Variants in UVRAG observed in about 807,000 individuals in gnomAD.
The protein encoded by UVRAG is UV radiation resistance associated.
In UVRAG, 19 loss-of-function variants were observed where a neutral mutation model predicts 78.0. That is an observed-to-expected ratio of 0.24 (90% CI 0.17 to 0.36). The LOEUF (loss-of-function observed/expected upper bound fraction) is 0.36. Among genes scored for constraint, UVRAG ranks in the 10% least tolerant of loss-of-function variants. The pLI, the probability that UVRAG is intolerant of heterozygous loss-of-function variation, is 1.00. For missense variants in UVRAG, 740 were observed against 853.8 expected, an observed-to-expected ratio of 0.87 and a Z score of 1.66; for synonymous variants, 323 against 324.6, an observed-to-expected ratio of 1.00 and a Z score of 0.05.
chr11:76,139,516 T>C (rs769952198), intron 14 of UVRAG, among the ~76,000 whole-genome samples: 2 of 152,136 alleles, frequency 1.3e-5, no homozygotes, highest in Non-Finnish European at 2.9e-5. Context: ...TGCCTAGTGG[T>C]TGCCCTTCTG....
intron 5 of UVRAG, chr11:75,892,484 T>G (rs1449301471): frequency 8.2e-6 from 7 of 854,074 alleles, no homozygotes; most frequent in Non-Finnish European, 9.9e-6. Flanking sequence ...CATTTTACCT[T>G]ATTTAAACCT....
chr11:75,863,014 G>A (rs929310300), intron 3 of UVRAG, among the ~76,000 whole-genome samples: 4 of 152,162 alleles, frequency 2.6e-5, no homozygotes, highest in Admixed American at 2.6e-4. Context: ...TAGGAAGCTG[G>A]TACCCAGAGA....
At chr11:76,040,678 C>G (rs1950632260) in intron 12 of UVRAG, among the ~76,000 whole-genome samples, 1 of 151,968 alleles carries the variant, frequency 6.6e-6, no homozygotes, top group African/African-American at 2.4e-5. Context: ...GCCTCAGCCT[C>G]CCGAGTAGCT....
intron 2 of UVRAG, among the ~76,000 whole-genome samples, chr11:75,852,406 T>A (rs1946174190): frequency 1.3e-5 from 2 of 152,216 alleles, no homozygotes; most frequent in Admixed American, 6.5e-5. Flanking sequence ...TGGGATCTTT[T>A]TCAGAAGAAT....
chr11:75,973,156 A>G (rs550431985), intron 7 of UVRAG, among the ~76,000 whole-genome samples: 51 of 152,320 alleles, frequency 3.3e-4, no homozygotes, highest in African/African-American at 1.2e-3. Context: ...ACTATTAAGT[A>G]TGATGTTAGC....
At chr11:75,882,973 G>T (rs1021719772) in intron 4 of UVRAG, among the ~76,000 whole-genome samples, 1 of 152,014 alleles carries the variant, frequency 6.6e-6, no homozygotes, top group Non-Finnish European at 1.5e-5. Context: ...TTAGGCCAGG[G>T]CCTTTGTTTT....
intron 13 of UVRAG, among the ~76,000 whole-genome samples, chr11:76,092,497 C>G (rs1298433966): frequency 6.6e-6 from 1 of 152,144 alleles, no homozygotes; most frequent in Non-Finnish European, 1.5e-5. Flanking sequence ...TCTCCAGCAC[C>G]TGTTGTTTCC....
intron 3 of UVRAG, among the ~76,000 whole-genome samples, chr11:75,874,853 C>G (rs1946731552): frequency 6.6e-6 from 1 of 152,178 alleles, no homozygotes; most frequent in African/African-American, 2.4e-5. Flanking sequence ...ATAGCACTTT[C>G]CTCTCTACCA....
chr11:75,873,103 C>T (rs1360574421), intron 3 of UVRAG, among the ~76,000 whole-genome samples: 1 of 152,184 alleles, frequency 6.6e-6, no homozygotes, highest in African/African-American at 2.4e-5. Flanking sequence ...GCCCCATGGA[C>T]ATCAGTGAAC....
intron 7 of UVRAG, among the ~76,000 whole-genome samples, chr11:75,967,579 A>T (rs893605014): frequency 2.6e-5 from 4 of 152,216 alleles, no homozygotes; most frequent in African/African-American, 9.7e-5. Flanking sequence ...TCTCAAAGTT[A>T]TTGGTCTCAA....
At chr11:76,118,682 ATTAT>A (rs1306008115) in intron 14 of UVRAG, among the ~76,000 whole-genome samples, 1 of 152,156 alleles carries the variant, frequency 6.6e-6, no homozygotes, top group East Asian at 1.9e-4. Context: ...GGTCATGTGT[ATTAT>A]TTTTTCCTAC....
intron 1 of UVRAG, among the ~76,000 whole-genome samples, chr11:75,819,697 G>A (rs1356838296): frequency 6.6e-6 from 1 of 151,662 alleles, no homozygotes; most frequent in East Asian, 2.0e-4. Flanking sequence ...GGCCGAGCAC[G>A]GTGGCTCATG....
chr11:76,095,470 A>G (rs1014716321), intron 13 of UVRAG, among the ~76,000 whole-genome samples: 4 of 151,666 alleles, frequency 2.6e-5, no homozygotes, highest in African/African-American at 7.3e-5. Context: ...TTAAATTTAC[A>G]TATGTAAAAA....
intron 12 of UVRAG, among the ~76,000 whole-genome samples, chr11:76,060,924 G>A (rs752960947): frequency 3.7e-4 from 56 of 152,352 alleles, no homozygotes; most frequent in South Asian, 1.4e-3. Context: ...CAGTGCCATC[G>A]AACACCCAAG....
chr11:76,047,284 G>T (rs1950777636), intron 12 of UVRAG, among the ~76,000 whole-genome samples: 1 of 152,198 alleles, frequency 6.6e-6, no homozygotes, highest in Non-Finnish European at 1.5e-5. Context: ...TTCAGTGCCA[G>T]CTGTGGCCAG....
At chr11:76,006,527 G>T (rs1003076166) in intron 9 of UVRAG, among the ~76,000 whole-genome samples, 3 of 151,792 alleles carry the variant, frequency 2.0e-5, no homozygotes, top group African/African-American at 7.3e-5. Flanking sequence ...CAGCATGGTT[G>T]GGCATACCTG....
At chr11:75,838,292 G>A (rs1040486006) in intron 1 of UVRAG, among the ~76,000 whole-genome samples, 1 of 152,034 alleles carries the variant, frequency 6.6e-6, no homozygotes, top group African/African-American at 2.4e-5. Context: ...TCATATTGCT[G>A]AATCAAAGAA....
intron 8 of UVRAG, among the ~76,000 whole-genome samples, chr11:76,000,078 AAATACTC>A (rs1949781833): frequency 6.6e-6 from 1 of 152,208 alleles, no homozygotes. Flanking sequence ...AAATACTGAA[AAATACTC>A]AATCCAATAG....
intron 8 of UVRAG, among the ~76,000 whole-genome samples, chr11:76,000,797 A>G (rs1039927656): frequency 2.6e-5 from 4 of 152,188 alleles, no homozygotes; most frequent in African/African-American, 9.7e-5. Flanking sequence ...TTTGGTGAAG[A>G]GGTCAGTTCA....
Sources: gnomAD v4.1 joint callset for allele counts (sites outside exome capture counted in the v4.1 genomes callset) on GRCh38, gnomAD v4.1.1 for gene constraint, MANE v1.5 for transcripts, NCBI Gene and HGNC (gene_info 2026-07-23, HGNC 2026-07-21) for gene names.